Variants in ITGA8 observed in about 807,000 individuals in gnomAD.
ITGA8 encodes integrin alpha-8.
A neutral mutation model predicts 142.3 loss-of-function variants in ITGA8; 91 were observed. The observed-to-expected ratio is 0.64, with a 90% CI of 0.54 to 0.76. The LOEUF (loss-of-function observed/expected upper bound fraction) is 0.76, where lower values mean the gene tolerates loss of function less well. Ranked by LOEUF, ITGA8 falls within the 30% of genes least tolerant of loss-of-function variation. The probability of loss-of-function intolerance (pLI) is 0.00; values close to 1 mark genes in which losing one functional copy is unlikely to be tolerated. For synonymous variants in ITGA8, 505 were observed against 485.2 expected, an observed-to-expected ratio of 1.04 and a Z score of -0.54; for missense variants, 1,406 against 1,327.7, an observed-to-expected ratio of 1.06 and a Z score of -0.92.
chr10:15,592,324 C>A lies in ITGA8; in HGVS notation c.2212-20G>T, dbSNP rs772925600. ...GGAATACTAAAAAATAAAATAAAATCACACAAGAGTAGCTTGTACACAACA... is the reference window on the plus strand; with the variant it reads ...GGAATACTAAAAAATAAAATAAAATAACACAAGAGTAGCTTGTACACAACA... On this transcript the variant is annotated intron_variant, in intron 21 of 29. Coordinates refer to ENST00000378076, the MANE Select transcript of ITGA8 (RefSeq NM_003638.3). 3.8e-6 allele frequency: 6 copies of A among 1,559,514 alleles called. No homozygotes were observed. The highest frequency in any genetic ancestry group is 5.3e-6 in the Non-Finnish European group (6 of 1,131,886).
chr10:15,588,948 C>A (rs754754258), intron 22 of ITGA8, among the ~76,000 whole-genome samples: 1 of 152,194 alleles, frequency 6.6e-6, no homozygotes, highest in Non-Finnish European at 1.5e-5. Flanking sequence ...TGCATACTAG[C>A]GGTGTCAGCA....
chr10:15,681,016 A>T lies in ITGA8; in HGVS notation c.569-2233T>A, dbSNP rs1739953061. On this transcript the variant is annotated intron_variant, in intron 4 of 29. Transcript: ENST00000378076. ...CAAGGAAGCATGTGGATAATTTGCT[A>T]CTATTTGTTGACGTCTTACCCAACA... Among the ~76,000 whole-genome samples, 9 of 152,298 alleles carry T rather than the reference A, an allele frequency of 5.9e-5. No individual in the cohort carries two copies. In the South Asian group the frequency reaches 1.9e-3, roughly 32 times the overall value.
intron 10 of ITGA8, among the ~76,000 whole-genome samples, chr10:15,656,719 A>G (rs1443474358): frequency 6.6e-6 from 1 of 152,034 alleles, no homozygotes; most frequent in Non-Finnish European, 1.5e-5. Flanking sequence ...TGGATTTATA[A>G]TCTTTTCAGG....
chr10:15,579,425 T>G (rs539755942), intron 23 of ITGA8, among the ~76,000 whole-genome samples: 2 of 152,218 alleles, frequency 1.3e-5, no homozygotes, highest in South Asian at 4.1e-4. Context: ...AAGACAGTTA[T>G]ATTCAGCCAT....
At chr10:15,566,556 A>G (rs1305741010) in intron 25 of ITGA8, among the ~76,000 whole-genome samples, 1 of 152,072 alleles carries the variant, frequency 6.6e-6, no homozygotes, top group East Asian at 1.9e-4. Context: ...CATGCCTGTA[A>G]TCCCAGCACT....
In ITGA8 at chr10:15,669,917, G is replaced by A. The variant is rs538872726; in HGVS notation, c.847+1686C>T. On this transcript the variant is annotated intron_variant, in intron 8 of 29. Coordinates refer to ENST00000378076, the MANE Select transcript of ITGA8 (RefSeq NM_003638.3). ...ACCCGGCCGTGTGAGGTGTCAGTCC[G>A]CCGCTACTGGGGGGTCCTTCCCAGT... Among the ~76,000 whole-genome samples the A allele has an allele frequency of 1.8e-3, 280 of 152,246 alleles. 2 individuals carry two copies. Among genetic ancestry groups the A allele is most frequent in the African/African-American group, 6.3e-3 (263 of 41,552 alleles).
rs2131745022 is a variant in ITGA8, at chr10:15,717,257, T to A, written c.343+1509A>T. Among the ~76,000 whole-genome samples the A allele has an allele frequency of 2.0e-5, 3 of 152,360 alleles. No individual in the cohort carries two copies. The Middle Eastern group carries it at 0.01, about 518-fold the overall frequency. On this transcript the variant is annotated intron_variant, in intron 2 of 29. Coordinates refer to ENST00000378076, the MANE Select transcript of ITGA8 (RefSeq NM_003638.3). Reference sequence around the variant, plus strand: ...CTTCTTGGTGAAAACACATCAACCATGTCTCAAAATATACTTTCCTTAATG... The same window carrying A: ...CTTCTTGGTGAAAACACATCAACCAAGTCTCAAAATATACTTTCCTTAATG...
chr10:15,685,182 C>A (rs765454385), intron 3 of ITGA8, among the ~76,000 whole-genome samples: 5 of 152,238 alleles, frequency 3.3e-5, no homozygotes, highest in Non-Finnish European at 5.9e-5. Context: ...ATTCAAGTCT[C>A]TGGCCCTCCT....
intron 8 of ITGA8, among the ~76,000 whole-genome samples, chr10:15,668,208 T>G (rs1834434977): frequency 6.6e-6 from 1 of 152,114 alleles, no homozygotes; most frequent in African/African-American, 2.4e-5. Flanking sequence ...TGCTTCTGTA[T>G]TGGGTGCATA....
At chr10:15,520,419 C>T (rs1179108149) in intron 28 of ITGA8, among the ~76,000 whole-genome samples, 1 of 152,116 alleles carries the variant, frequency 6.6e-6, no homozygotes, top group East Asian at 1.9e-4. Flanking sequence ...CTTTCTCCTT[C>T]CCGCCAAAAA....
chr10:15,671,678 A>T, intron 7 of ITGA8, 31 bp from the exon 8 acceptor site: 1 of 1,551,446 alleles, frequency 6.4e-7, no homozygotes, highest in Non-Finnish European at 8.9e-7. Context: ...CAAACTAATC[A>T]CACTTAATGA....
rs1788970578 is a variant in ITGA8, at chr10:15,561,860, A to G, written c.2638-3658T>C. On this transcript the variant is annotated intron_variant, in intron 25 of 29. Coordinates refer to ENST00000378076, the MANE Select transcript of ITGA8 (RefSeq NM_003638.3). ...TTTATAAAGGAAAGAGGTTTAATTG[A>G]CTCACAGTTCTCCCTGGCTGGGGAG... Among the ~76,000 whole-genome samples the G allele has an allele frequency of 4.6e-5, 7 of 152,250 alleles. No homozygotes were observed. In the South Asian group the frequency reaches 1.5e-3, roughly 32 times the overall value.
intron 2 of ITGA8, among the ~76,000 whole-genome samples, chr10:15,707,630 C>T (rs914548437): frequency 6.6e-6 from 1 of 151,960 alleles, no homozygotes; most frequent in East Asian, 1.9e-4. Flanking sequence ...CGAGAGCAGC[C>T]TGGCCAACAT....
intron 20 of ITGA8, among the ~76,000 whole-genome samples, chr10:15,597,578 A>G (rs1201007469): frequency 6.6e-5 from 10 of 152,214 alleles, no homozygotes; most frequent in Admixed American, 3.9e-4. Context: ...AGCTTAGACA[A>G]TATCTTCACT....
chr10:15,682,529 C>G (rs767980039), intron 4 of ITGA8, among the ~76,000 whole-genome samples: 7 of 152,130 alleles, frequency 4.6e-5, no homozygotes, highest in Non-Finnish European at 7.4e-5. Flanking sequence ...ATAATCTTCT[C>G]CTTGTTAAAA....
intron 3 of ITGA8, among the ~76,000 whole-genome samples, chr10:15,686,800 AT>A (rs1834839583): frequency 6.6e-6 from 1 of 152,108 alleles, no homozygotes; most frequent in Non-Finnish European, 1.5e-5. Context: ...AAAATTAATC[AT>A]TTTTTATTAT....
intron 13 of ITGA8, among the ~76,000 whole-genome samples, chr10:15,626,441 G>A (rs976993316): frequency 3.9e-5 from 6 of 151,926 alleles, no homozygotes; most frequent in Admixed American, 3.3e-4. Flanking sequence ...GGCTTGTCTC[G>A]AACTCCTGAT....
intron 29 of ITGA8, among the ~76,000 whole-genome samples, chr10:15,519,074 A>G (rs936405162): frequency 5.3e-5 from 8 of 152,230 alleles, no homozygotes; most frequent in African/African-American, 1.9e-4. Context: ...AGATGAAAGC[A>G]ACATTAAGCA....
In ITGA8 at chr10:15,678,736, G is replaced by T. The variant is rs1447035990; in HGVS notation, c.616C>A (p.Leu206Met). ...AAATAATTCACCTTATAAAAATCCA[G>T]ACTAAATCCTGCTTGGCAGTAACCC... ...GQGYCQAGFS[L>M]DFYKNGDLIV... The change falls in exon 5 of 30, where the codon CTG becomes ATG. Residue 206 changes from leucine (L) to methionine (M), a missense_variant. By Grantham distance (15) the Leu-to-Met change is conservative. Coordinates refer to ENST00000378076, the MANE Select transcript of ITGA8 (RefSeq NM_003638.3). The T allele has an allele frequency of 2.5e-6, 4 of 1,609,800 alleles. No homozygotes were observed. The highest frequency in any genetic ancestry group is 2.7e-5 in the African/African-American group (2 of 74,786).
Sources: gnomAD v4.1 joint callset for allele counts (sites outside exome capture counted in the v4.1 genomes callset) on GRCh38, gnomAD v4.1.1 for gene constraint, MANE v1.5 for transcripts, NCBI Gene and HGNC (gene_info 2026-07-23, HGNC 2026-07-21) for gene names.